AGFG2: variants seen among roughly 807,000 people sequenced by gnomAD.
AGFG2 encodes the protein ArfGAP with FG repeats 2.
AGFG2 carries 31 observed loss-of-function variants against 48.0 expected under a neutral mutation model. The ratio of observed to expected loss-of-function variants is 0.65; its 90% CI spans 0.49 to 0.87. AGFG2 has a LOEUF of 0.87. AGFG2 is among the 40% of genes least tolerant of loss of function. AGFG2 has a pLI of 0.00. For synonymous variants in AGFG2, 229 were observed against 260.8 expected, an observed-to-expected ratio of 0.88 and a Z score of 1.18; for missense variants, 599 against 632.6, an observed-to-expected ratio of 0.95 and a Z score of 0.57.
chr7:100,555,818 T>A (rs1367047965), intron 6 of AGFG2, 83 bp downstream of exon 6: 1 of 1,553,378 alleles, frequency 6.4e-7, no homozygotes, highest in East Asian at 2.3e-5. Context: ...ATATCCTCAC[T>A]ATCCTAAAGA....
intron 1 of AGFG2, among the ~76,000 whole-genome samples, chr7:100,541,873 T>C (rs893082534): frequency 6.6e-6 from 1 of 152,060 alleles, no homozygotes; most frequent in East Asian, 1.9e-4. Flanking sequence ...ATGGATAAAA[T>C]TGAGTAACTG....
intron 1 of AGFG2, among the ~76,000 whole-genome samples, chr7:100,548,203 AG>A (rs1175348763): frequency 6.6e-6 from 1 of 151,914 alleles, no homozygotes; most frequent in Non-Finnish European, 1.5e-5. Context: ...AGGCTAGAGG[AG>A]GCTTCTGGAT....
chr7:100,556,650 A>AG (rs1800764938), intron 6 of AGFG2: 2 of 1,287,218 alleles, frequency 1.6e-6, no homozygotes. Flanking sequence ...CCCACCCCAG[A>AG]GCCTACCCAA....
At chr7:100,541,751 C>T (rs1477937221) in intron 1 of AGFG2, among the ~76,000 whole-genome samples, 2 of 135,276 alleles carry the variant, frequency 1.5e-5, no homozygotes, top group African/African-American at 2.8e-5. Flanking sequence ...GGTCGCAGAG[C>T]GAGACTCTGT....
At chr7:100,548,965 G>A (rs758377839) in intron 2 of AGFG2, 50 bp downstream of exon 2, 68 of 1,484,416 alleles carry the variant, frequency 4.6e-5, no homozygotes, top group Non-Finnish European at 5.1e-5. Flanking sequence ...CTGCAGGTGG[G>A]GCTTTGCCTC....
chr7:100,563,853 C>G lies in AGFG2; in HGVS notation c.1191C>G (p.Ser397Arg), dbSNP rs1584392962. ...CCATAGGGCCCGGCTTTGGGATGAG[C>G]AGTGCTGGGCCTGGCTTCCCCCAGG... ...GLAPGPGFGM[S>R]SAGPGFPQAV... The change falls in exon 10 of 12, where the codon AGC becomes AGG. Residue 397 changes from serine (S) to arginine (R), a missense_variant. By Grantham distance (110) the Ser-to-Arg change is moderately radical (BLOSUM62 -1). Coordinates refer to ENST00000300176, the MANE Select transcript of AGFG2 (RefSeq NM_006076.5). The G allele has an allele frequency of 6.2e-7, 1 of 1,611,442 alleles. No individual in the cohort carries two copies.
In AGFG2 at chr7:100,562,977, C is replaced by T. The variant is rs772227826; in HGVS notation, c.1171+31C>T. The T allele has an allele frequency of 3.8e-6, 6 of 1,578,618 alleles. No homozygotes were observed. Among genetic ancestry groups the T allele is most frequent in the Non-Finnish European group, 5.2e-6 (6 of 1,150,218 alleles). ...CCTCCAGCATGGTCCCTTGTCCTGACCATCTGAGACTTCCAAGGCACACAT... is the reference window on the plus strand; with the variant it reads ...CCTCCAGCATGGTCCCTTGTCCTGATCATCTGAGACTTCCAAGGCACACAT... On this transcript the variant is annotated intron_variant, in intron 9 of 11. Transcript: ENST00000300176. This position sits in a 1 kb window ranked among gnomAD's most constrained non-coding sequence, Gnocchi z 5.4.
At position 100,565,778 on chromosome 7, in the gene AGFG2, G is replaced by C. The variant is rs1220138992; in HGVS notation, c.*787G>C. 3 of 152,112 alleles carry C rather than the reference G, an allele frequency of 2.0e-5. No individual in the cohort carries two copies. The highest frequency in any genetic ancestry group is 6.6e-5 in the Admixed American group (1 of 15,254). 9.4% of individuals were successfully genotyped at this position (152,112 alleles called of 1,614,324 possible). On this transcript the variant is annotated 3_prime_UTR_variant, in exon 12 of 12. Transcript: ENST00000300176. ...TGGGATGAATCCCCATCTGTGCCTC[G>C]ACCATCAAAGCCGGAGCTCCAGGGC... is the stretch of plus-strand genomic sequence containing the variant.
At chr7:100,564,345 T>G (rs1292063498) in intron 11 of AGFG2, 42 bp downstream of exon 11, 1 of 1,577,856 alleles carries the variant, frequency 6.3e-7, no homozygotes, top group South Asian at 1.1e-5. Context: ...GCTCGTGGGC[T>G]TTCCCTCTGG....
chr7:100,547,610 G>C (rs1800537640), intron 1 of AGFG2, among the ~76,000 whole-genome samples: 1 of 152,136 alleles, frequency 6.6e-6, no homozygotes, highest in African/African-American at 2.4e-5. Context: ...CAAGTTTCCT[G>C]TATTAGAACA....
intron 1 of AGFG2, among the ~76,000 whole-genome samples, chr7:100,543,570 G>C (rs1331852705): frequency 2.0e-5 from 3 of 152,182 alleles, no homozygotes; most frequent in Non-Finnish European, 4.4e-5. Context: ...AGAATTCCCA[G>C]CTGGTTGGAT....
In AGFG2 at chr7:100,539,443, G is replaced by T; in HGVS notation, c.97G>T (p.Val33Leu). Residue 33 changes from valine (V) to leucine (L), a missense_variant, in exon 1 of 12, where the codon GTG (valine) becomes TTG (leucine). By Grantham distance (32) the Val-to-Leu change is conservative. Coordinates refer to ENST00000300176, the MANE Select transcript of AGFG2 (RefSeq NM_006076.5). Reference sequence around the variant, plus strand: ...GGCCTCGGAGGTGTGGTGCCGTCGGGTGCGGGAGCTGGGTGGCTGCAGCCA... The same window carrying T: ...GGCCTCGGAGGTGTGGTGCCGTCGGTTGCGGGAGCTGGGTGGCTGCAGCCA... The part of the protein sequence containing the change: ...EAASEVWCRR[V>L]RELGGCSQAG... The T allele has an allele frequency of 1.5e-6, 2 of 1,326,108 alleles. No individual in the cohort carries two copies. The highest frequency in any genetic ancestry group is 1.9e-6 in the Non-Finnish European group (2 of 1,034,580). The allele number at this position is 1,326,108 out of a possible 1,614,324, so 82.1% of individuals were successfully genotyped here. A position where few individuals can be genotyped will look rare whatever the true frequency, so the allele number is the denominator to read the frequency against.
chr7:100,553,588 A>G, intron 4 of AGFG2, 88 bp downstream of exon 4: 1 of 1,473,808 alleles, frequency 6.8e-7, no homozygotes, highest in Non-Finnish European at 9.2e-7. Flanking sequence ...CGGACTTAGC[A>G]GACAACAGTG....
chr7:100,551,520 T>C (rs1187052812), intron 3 of AGFG2, among the ~76,000 whole-genome samples: 4 of 151,690 alleles, frequency 2.6e-5, no homozygotes, highest in Non-Finnish European at 5.9e-5. Context: ...TCATGATTTA[T>C]ATGTACAGTC....
At chr7:100,564,032 T>C (rs1800941980) in intron 10 of AGFG2, 70 bp downstream of exon 10, 3 of 1,583,666 alleles carry the variant, frequency 1.9e-6, no homozygotes, top group Non-Finnish European at 2.6e-6. Context: ...TAGTTGTTCC[T>C]CCGACCTCAT....
intron 6 of AGFG2, among the ~76,000 whole-genome samples, chr7:100,560,829 TGAGAC>T (rs1800853280): frequency 6.8e-6 from 1 of 146,272 alleles, no homozygotes. Context: ...TTTTTTTTTT[TGAGAC>T]GGAGTCTCAC....
At chr7:100,558,545 GTTTT>G (rs36124305) in intron 6 of AGFG2, among the ~76,000 whole-genome samples, 2 of 135,472 alleles carry the variant, frequency 1.5e-5, no homozygotes, top group Non-Finnish European at 3.2e-5. Context: ...TTTTGTTTTT[GTTTT>G]TTTTTTTTTT....
chr7:100,541,162 A>G (rs1800414982), intron 1 of AGFG2, among the ~76,000 whole-genome samples: 1 of 152,166 alleles, frequency 6.6e-6, no homozygotes, highest in Non-Finnish European at 1.5e-5. Context: ...GCGGTTTCCA[A>G]CATTTGTTGT....
intron 6 of AGFG2, chr7:100,556,567 C>G (rs200180787): frequency 1.8e-5 from 23 of 1,288,172 alleles, no homozygotes; most frequent in Admixed American, 1.2e-4. Context: ...CTCTACCCAC[C>G]CTTCTCTTCT....
Sources: allele counts gnomAD v4.1 joint callset (sites outside exome capture counted in the v4.1 genomes callset), GRCh38; gene constraint gnomAD v4.1.1; non-coding constraint Gnocchi (gnomAD v3.1); transcripts MANE v1.5; gene names NCBI Gene and HGNC (gene_info 2026-07-23, HGNC 2026-07-21).